Variants in GRK5 observed in about 807,000 individuals in gnomAD.
GRK5 encodes the protein G protein-coupled receptor kinase 5, also known as g protein-coupled receptor kinase GRK5.
A neutral mutation model predicts 78.4 loss-of-function variants in GRK5; 40 were observed. The observed-to-expected ratio is 0.51, with a 90% confidence interval of 0.40 to 0.66. GRK5 has a LOEUF of 0.66. GRK5 is among the 30% of genes least tolerant of loss of function. GRK5 has a pLI of 0.00. For missense variants in GRK5, 598 were observed against 759.9 expected (o/e 0.79, Z 2.50); for synonymous variants, 289 against 296.8 (o/e 0.97, Z 0.27).
intron 2 of GRK5, among the ~76,000 whole-genome samples, chr10:119,349,523 G>C (rs2133796333): frequency 6.6e-6 from 1 of 152,316 alleles, no homozygotes; most frequent in East Asian, 1.9e-4. Flanking sequence ...GCCTCCCCAG[G>C]GGGTCTCCAT....
Position 119,265,295 on chromosome 10 carries a change from G to GC in GRK5, c.52+57333dup, listed in dbSNP as rs927385026. On this transcript the variant is annotated intron_variant, in intron 1 of 15. Transcript: ENST00000392870. ...CAGGGTAGAGAAAGCCTTTGCTGAG[G>GC]CCCCCCCGCAGGTGAGTGGCAGATC... Among the ~76,000 whole-genome samples the GC allele has an allele frequency of 4.5e-4, 69 of 152,172 alleles. 2 individuals carry two copies. The highest frequency in any genetic ancestry group is 3.2e-3 in the Admixed American group (49 of 15,286).
intron 1 of GRK5, among the ~76,000 whole-genome samples, chr10:119,277,497 C>A (rs1041454691): frequency 6.6e-6 from 1 of 152,180 alleles, no homozygotes; most frequent in Non-Finnish European, 1.5e-5. Context: ...CTCTGCGACA[C>A]CCCTGCCACA....
rs1471626099 is a variant in GRK5 at position 119,445,423 on chromosome 10, G to A, written c.1266+1671G>A. ...GGATGACGAGGCGGAGAGGGCCCCA[G>A]TCCCACCCCCAGACCCCAGACACCC... On this transcript the variant is annotated intron_variant, in intron 12 of 15. Transcript: ENST00000392870. The surrounding 1 kb of genome is among the most constrained non-coding windows in gnomAD (Gnocchi z 4.1). 6.6e-6 allele frequency among the ~76,000 whole-genome samples: 1 copy of A among 152,058 alleles called. No homozygotes were observed. Among genetic ancestry groups the A allele is most frequent in the Non-Finnish European group, 1.5e-5 (1 of 67,998 alleles).
intron 2 of GRK5, among the ~76,000 whole-genome samples, chr10:119,348,159 A>C (rs1851130265): frequency 6.6e-6 from 1 of 152,110 alleles, no homozygotes; most frequent in South Asian, 2.1e-4. Flanking sequence ...CCTGGCTTTG[A>C]GTTTCTTTCT....
rs10578557 is a variant in GRK5 at position 119,411,842 on chromosome 10, C to CTTTTTTTTTTTTTTTT, written c.340-11313_340-11298dup. On this transcript the variant is annotated intron_variant, in intron 4 of 15. Transcript: ENST00000392870. ...CCTCAGCTTCATTGCAGATCTGCTT[C>CTTTTTTTTTTTTTTTT]TTTTTTTTTTTTTTTTTTTTTTTTT... is the stretch of plus-strand genomic sequence containing the variant. Among the ~76,000 whole-genome samples, 237 of 95,958 alleles carry CTTTTTTTTTTTTTTTT rather than the reference C, an allele frequency of 2.5e-3. 42 individuals are homozygous for CTTTTTTTTTTTTTTTT. Among genetic ancestry groups the CTTTTTTTTTTTTTTTT allele is most frequent in the Admixed American group, 4.7e-3 (34 of 7,182 alleles). 63.0% of individuals were successfully genotyped at this position (95,958 alleles called of 152,430 possible).
At chr10:119,442,115 G>C in intron 11 of GRK5, 27 bp downstream of exon 11, 10 of 1,585,838 alleles carry the variant, frequency 6.3e-6, no homozygotes, top group Non-Finnish European at 8.7e-6. Context: ...CTGTGTCAAT[G>C]CACCTTGAGA....
At chr10:119,240,130 C>T (rs879873283) in intron 1 of GRK5, among the ~76,000 whole-genome samples, 3 of 151,662 alleles carry the variant, frequency 2.0e-5, no homozygotes, top group Non-Finnish European at 4.4e-5. Flanking sequence ...TTTACATTCC[C>T]ACCAACAGTG....
At chr10:119,363,976 C>T (rs901595770) in intron 2 of GRK5, among the ~76,000 whole-genome samples, 2 of 152,190 alleles carry the variant, frequency 1.3e-5, no homozygotes, top group African/African-American at 4.8e-5. Context: ...TGGGTTCACG[C>T]CTCTCCCTCT....
chr10:119,417,785 C>T (rs1444986902), intron 4 of GRK5, among the ~76,000 whole-genome samples: 2 of 152,072 alleles, frequency 1.3e-5, no homozygotes, highest in Non-Finnish European at 2.9e-5. Context: ...AGTGAAGGTG[C>T]GAAGTCACCC....
intron 2 of GRK5, among the ~76,000 whole-genome samples, chr10:119,357,979 G>A (rs1851291831): frequency 6.6e-6 from 1 of 152,188 alleles, no homozygotes; most frequent in Admixed American, 6.5e-5. Flanking sequence ...GGTCCTCTCG[G>A]GGTGGCTGCA....
chr10:119,310,028 G>A (rs769990611), intron 1 of GRK5, among the ~76,000 whole-genome samples: 6 of 152,148 alleles, frequency 3.9e-5, no homozygotes, highest in Non-Finnish European at 5.9e-5. Context: ...TAGTGTCTCC[G>A]TGGCGCAGGC....
At chr10:119,348,016 AT>A (rs1035462273) in intron 2 of GRK5, among the ~76,000 whole-genome samples, 2 of 152,146 alleles carry the variant, frequency 1.3e-5, no homozygotes, top group Admixed American at 6.5e-5. Context: ...CTCATCCGCC[AT>A]TGTTGTTCTA....
chr10:119,442,403 C>T (rs1853055753), intron 11 of GRK5, among the ~76,000 whole-genome samples: 1 of 152,196 alleles, frequency 6.6e-6, no homozygotes, highest in African/African-American at 2.4e-5. Flanking sequence ...CACATTGAAG[C>T]AGGGGTCTGG....
At chr10:119,330,555 C>T (rs907181130) in intron 2 of GRK5, among the ~76,000 whole-genome samples, 1 of 152,160 alleles carries the variant, frequency 6.6e-6, no homozygotes, top group Non-Finnish European at 1.5e-5. Context: ...AGGATGCGGA[C>T]ATTCAGTCCA....
At chr10:119,439,701 C>G (rs753930528) in intron 9 of GRK5, 30 bp from the exon 10 acceptor site, 10 of 1,613,392 alleles carry the variant, frequency 6.2e-6, no homozygotes, top group Non-Finnish European at 8.5e-6. Context: ...AGAATGCCCA[C>G]ACTCTGATGC....
chr10:119,404,446 C>G (rs1337252792), intron 4 of GRK5, among the ~76,000 whole-genome samples: 1 of 152,244 alleles, frequency 6.6e-6, no homozygotes, highest in Non-Finnish European at 1.5e-5. Context: ...CACATATTTT[C>G]TCCCATTCTG....
At chr10:119,384,652 G>T (rs1284046818) in intron 3 of GRK5, among the ~76,000 whole-genome samples, 2 of 152,238 alleles carry the variant, frequency 1.3e-5, no homozygotes, top group African/African-American at 4.8e-5. Context: ...GTGGCCCATG[G>T]TCTGTGAATC....
intron 2 of GRK5, among the ~76,000 whole-genome samples, chr10:119,330,504 C>T (rs538527572): frequency 9.4e-4 from 143 of 152,162 alleles, no homozygotes; most frequent in African/African-American, 3.3e-3. Context: ...CTCCAAATAA[C>T]GTCACGCTGG....
chr10:119,313,930 T>C (rs1441506830), intron 1 of GRK5, among the ~76,000 whole-genome samples: 1 of 152,228 alleles, frequency 6.6e-6, no homozygotes, highest in Non-Finnish European at 1.5e-5. Context: ...AGGAGGGGCC[T>C]GGAGGTGCTG....
Sources: allele counts gnomAD v4.1 joint callset (sites outside exome capture counted in the v4.1 genomes callset), GRCh38; gene constraint gnomAD v4.1.1; non-coding constraint Gnocchi (gnomAD v3.1); transcripts MANE v1.5; gene names NCBI Gene and HGNC (gene_info 2026-07-23, HGNC 2026-07-21).